Variants in GPC6 observed in about 807,000 individuals in gnomAD.
GPC6 encodes glypican-6.
GPC6 carries 14 observed loss-of-function variants against 55.2 expected under a neutral mutation model. The observed-to-expected ratio is 0.25, with a 90% confidence interval of 0.17 to 0.40. GPC6 has a LOEUF of 0.40. GPC6 is among the 10% of genes least tolerant of loss of function. The pLI is 1.00. For synonymous variants in GPC6, 278 were observed against 259.6 expected, an observed-to-expected ratio of 1.07 and a Z score of -0.68; for missense variants, 641 against 708.5, an observed-to-expected ratio of 0.90 and a Z score of 1.08.
intron 4 of GPC6, among the ~76,000 whole-genome samples, chr13:94,223,834 A>G (rs560221036): frequency 6.6e-6 from 1 of 152,244 alleles, no homozygotes; most frequent in Admixed American, 6.5e-5. Context: ...CCTACTCACT[A>G]AAATGTATAT....
chr13:94,010,131 G>A (rs1255206546), intron 3 of GPC6, among the ~76,000 whole-genome samples: 6 of 152,106 alleles, frequency 3.9e-5, no homozygotes, highest in Non-Finnish European at 5.9e-5. Context: ...TGTGTTTTCT[G>A]TTATTCAAGT....
intron 4 of GPC6, among the ~76,000 whole-genome samples, chr13:94,136,665 T>G (rs141484564): frequency 0.17 from 26,599 of 152,082 alleles, 2,749 homozygotes; most frequent in Non-Finnish European, 0.23. Context: ...AGCCAAGATC[T>G]TGCCACTGCA....
intron 1 of GPC6, among the ~76,000 whole-genome samples, chr13:93,403,758 G>A (rs990940402): frequency 6.6e-6 from 1 of 152,020 alleles, no homozygotes; most frequent in Non-Finnish European, 1.5e-5. Context: ...AGCCTTCTTT[G>A]TGAGTTTAAT....
intron 4 of GPC6, among the ~76,000 whole-genome samples, chr13:94,213,635 G>A (rs570279984): frequency 3.0e-4 from 46 of 152,236 alleles, no homozygotes; most frequent in African/African-American, 1.0e-3. Flanking sequence ...GGTTCCATGT[G>A]TTTTGTCACC....
intron 4 of GPC6, among the ~76,000 whole-genome samples, chr13:94,093,134 T>C: frequency 6.6e-6 from 1 of 152,112 alleles, no homozygotes; most frequent in African/African-American, 2.4e-5. Context: ...CCCATTTGTC[T>C]ATTTTTGCTT....
At chr13:93,477,163 T>TA (rs1168018212) in intron 1 of GPC6, among the ~76,000 whole-genome samples, 1 of 152,136 alleles carries the variant, frequency 6.6e-6, no homozygotes, top group Admixed American at 6.5e-5. Flanking sequence ...TATTTATATT[T>TA]AAATTTTTTT....
At chr13:93,370,707 A>G (rs575807622) in intron 1 of GPC6, among the ~76,000 whole-genome samples, 2 of 152,266 alleles carry the variant, frequency 1.3e-5, no homozygotes, top group South Asian at 4.1e-4. Flanking sequence ...GCAAATTACC[A>G]GGGATTATGT....
At chr13:93,841,636 A>G (rs543664505) in intron 3 of GPC6, among the ~76,000 whole-genome samples, 60 of 152,322 alleles carry the variant, frequency 3.9e-4, no homozygotes, top group African/African-American at 1.4e-3. Flanking sequence ...AGACGTAAGT[A>G]AAACTATAGC....
chr13:93,724,501 T>C (rs1335149670), intron 2 of GPC6, among the ~76,000 whole-genome samples: 1 of 152,012 alleles, frequency 6.6e-6, no homozygotes, highest in Non-Finnish European at 1.5e-5. Context: ...CTTATATGTT[T>C]GTTTTAATGA....
intron 2 of GPC6, among the ~76,000 whole-genome samples, chr13:93,602,125 T>C (rs1878042575): frequency 6.6e-6 from 1 of 152,198 alleles, no homozygotes; most frequent in Non-Finnish European, 1.5e-5. Flanking sequence ...TCAGTCTCTG[T>C]TTTGCCTGTA....
intron 1 of GPC6, among the ~76,000 whole-genome samples, chr13:93,389,448 G>A (rs1252949944): frequency 6.7e-6 from 1 of 150,320 alleles, no homozygotes; most frequent in African/African-American, 2.5e-5. Flanking sequence ...AGCTTGTAGT[G>A]AGCCGAGATC....
At chr13:93,419,053 A>C (rs1355826854) in intron 1 of GPC6, among the ~76,000 whole-genome samples, 1 of 150,304 alleles carries the variant, frequency 6.7e-6, no homozygotes, top group African/African-American at 2.4e-5. Flanking sequence ...TAACATTATC[A>C]GATTTCCTAA....
rs755873193 is a variant in GPC6, at chr13:94,306,099, T to C, written c.1128T>C (p.Ala376=). The part of the protein sequence containing the change: ...PYNPEERPTT[A]AGTSLDRLVT... ...ATCCTGAGGAAAGACCAACAACTGCTGCAGGCACAAGCTTGGACCGGCTGG... is the reference window on the plus strand; with the variant it reads ...ATCCTGAGGAAAGACCAACAACTGCCGCAGGCACAAGCTTGGACCGGCTGG... Residue 376 remains alanine, a synonymous_variant, in exon 6 of 9, where the codon GCT becomes GCC. Coordinates refer to ENST00000377047, the MANE Select transcript of GPC6 (RefSeq NM_005708.5). 3.1e-6 allele frequency: 5 copies of C among 1,614,206 alleles called. No homozygotes were observed. In the South Asian group the frequency reaches 5.5e-5, roughly 18 times the overall value.
intron 3 of GPC6, among the ~76,000 whole-genome samples, chr13:93,958,627 G>T (rs1879621952): frequency 6.6e-6 from 1 of 152,146 alleles, no homozygotes; most frequent in East Asian, 1.9e-4. Context: ...GTTGAATAGT[G>T]TGGTGCCTCT....
chr13:93,856,480 G>A (rs1201775915), intron 3 of GPC6, among the ~76,000 whole-genome samples: 1 of 151,504 alleles, frequency 6.6e-6, no homozygotes. Flanking sequence ...AAGAGACAAA[G>A]GAACATAGGC....
At chr13:93,367,272 G>T (rs1277268443) in intron 1 of GPC6, among the ~76,000 whole-genome samples, 2 of 147,218 alleles carry the variant, frequency 1.4e-5, no homozygotes, top group Non-Finnish European at 3.0e-5. Context: ...TGCTAGTGAT[G>T]AAATATCAAA....
intron 1 of GPC6, among the ~76,000 whole-genome samples, chr13:93,397,312 T>C (rs1594141334): frequency 1.3e-5 from 2 of 152,188 alleles, no homozygotes; most frequent in East Asian, 3.9e-4. Context: ...TTGTCAACAC[T>C]TGTTATTTTC....
At chr13:93,619,043 G>C (rs1878842712) in intron 2 of GPC6, among the ~76,000 whole-genome samples, 1 of 152,046 alleles carries the variant, frequency 6.6e-6, no homozygotes, top group African/African-American at 2.4e-5. Context: ...GTAAATATTT[G>C]TGTATCTAAA....
At chr13:94,316,224 G>A (rs1203597906) in intron 6 of GPC6, among the ~76,000 whole-genome samples, 6 of 152,036 alleles carry the variant, frequency 3.9e-5, no homozygotes, top group Non-Finnish European at 8.8e-5. Context: ...TTAGAGAGGG[G>A]GTATCTACAT....
Sources: allele counts gnomAD v4.1 joint callset (sites outside exome capture counted in the v4.1 genomes callset), GRCh38; gene constraint gnomAD v4.1.1; transcripts MANE v1.5; gene names NCBI Gene and HGNC (gene_info 2026-07-23, HGNC 2026-07-21).